Variants in COL1A1 observed in about 807,000 individuals in gnomAD.
The protein encoded by COL1A1 is collagen alpha-1(I) chain.
In COL1A1, 21 loss-of-function variants were observed where a neutral mutation model predicts 195.7. The ratio of observed to expected loss-of-function variants is 0.11; its 90% CI spans 0.08 to 0.15. The LOEUF (loss-of-function observed/expected upper bound fraction) is 0.15, where lower values mean the gene tolerates loss of function less well. COL1A1 is among the 10% of genes least tolerant of loss of function. COL1A1 has a pLI of 1.00. For synonymous variants in COL1A1, 749 were observed against 747.3 expected (o/e 1.00, Z -0.04); for missense variants, 1,365 against 2,051.0 (o/e 0.67, Z 6.46).
At position 50,189,308 on chromosome 17, in the gene COL1A1, G is replaced by T. The variant is rs2586489; in HGVS notation, c.2830-33C>A. 29 of 1,613,952 alleles carry T rather than the reference G, an allele frequency of 1.8e-5. No individual in the cohort carries two copies. The highest frequency in any genetic ancestry group is 2.2e-5 in the Non-Finnish European group (26 of 1,179,986). ...AGGCAAACAGGGGTGAGGTGCCAGA[G>T]AGCAGCACAGGGACCCCTCCCCAGC... On this transcript the variant is annotated intron_variant, in intron 39 of 50. Transcript: ENST00000225964. The surrounding 1 kb of genome is among the most constrained non-coding windows in gnomAD (Gnocchi z 5.5).
Position 50,192,463 on chromosome 17 carries a change from G to T in COL1A1, c.1983+12C>A, listed in dbSNP as rs1907181506. The stretch of plus-strand genomic sequence containing the variant: ...GCATCTCCCACCCCTCTGGCCGGCT[G>T]CTCCCTCTTACCTGTTCACCAGGTT... On this transcript the variant is annotated intron_variant, in intron 29 of 50. Transcript: ENST00000225964. 6.2e-7 allele frequency: 1 copy of T among 1,603,134 alleles called. No individual in the cohort carries two copies. Among genetic ancestry groups the T allele is most frequent in the Admixed American group, 1.7e-5 (1 of 57,934 alleles).
chr17:50,199,077 C>T, intron 5 of COL1A1, 149 bp downstream of exon 5: 1 of 909,954 alleles, frequency 1.1e-6, no homozygotes, highest in South Asian at 2.5e-5. Flanking sequence ...GCACATGTCA[C>T]AAACTGTGAA....
In COL1A1 at chr17:50,185,396, C is replaced by A; in HGVS notation, c.*106G>T. The A allele has an allele frequency of 8.1e-7, 1 of 1,238,454 alleles. No homozygotes were observed. The highest frequency in any genetic ancestry group is 1.2e-5 in the South Asian group (1 of 82,600). The allele number at this position is 1,238,454 out of a possible 1,614,324, so 76.7% of individuals were successfully genotyped here. A position where few individuals can be genotyped will look rare whatever the true frequency, so the allele number is the denominator to read the frequency against. On this transcript the variant is annotated 3_prime_UTR_variant, in exon 51 of 51. Coordinates refer to ENST00000225964, the MANE Select transcript of COL1A1 (RefSeq NM_000088.4). ...TTCCAAAGTCCATGTGAAATTGTCT[C>A]CCATTTTTTGGCTTTTGAGGGGGTT...
At position 50,184,659 on chromosome 17, in the gene COL1A1, C is replaced by T. The variant is rs895888962; in HGVS notation, c.*843G>A. On this transcript the variant is annotated 3_prime_UTR_variant, in exon 51 of 51. Coordinates refer to ENST00000225964, the MANE Select transcript of COL1A1 (RefSeq NM_000088.4). ...TGGGGAGCCGCTTCCACCCTGCCCC[C>T]ATCCCCGCCCCCAGGCAGTTGCCCC... 4.3e-6 allele frequency: 1 copy of T among 232,246 alleles called. No individual in the cohort carries two copies. The highest frequency in any genetic ancestry group is 6.1e-5 in the East Asian group (1 of 16,456). The allele number at this position is 232,246 out of a possible 1,614,324, so 14.4% of individuals were successfully genotyped here.
chr17:50,197,867 A>C, intron 8 of COL1A1, 82 bp from the exon 9 acceptor site: 1 of 1,586,570 alleles, frequency 6.3e-7, no homozygotes, highest in Non-Finnish European at 8.7e-7. Flanking sequence ...AGAGGTAAGG[A>C]AGACCCCAGG....
chr17:50,187,247 C>T, intron 46 of COL1A1, 125 bp from the exon 47 acceptor site: 1 of 911,402 alleles, frequency 1.1e-6, no homozygotes, highest in Non-Finnish European at 1.7e-6. Context: ...GCCTCAGCCT[C>T]TTTCCATAGG....
Position 50,199,563 on chromosome 17 carries a change from C to T in COL1A1, c.326G>A (p.Gly109Asp), listed in dbSNP as rs372159426. The T allele has an allele frequency of 9.9e-6, 16 of 1,614,056 alleles. No homozygotes were observed. Among genetic ancestry groups the T allele is most frequent in the Middle Eastern group, 1.6e-4 (1 of 6,082 alleles). ...TCGAGGGCAGGAGATTACCTCGACG[C>T]CGGTGGTTTCTTGGTCGGTGGGTGA... ...SESPTDQETT[G>D]VEGPKGDTGP... The change falls in exon 3 of 51, where the codon GGC becomes GAC. Residue 109 changes from glycine to aspartate, a missense_variant. Gly to Asp is a moderately conservative substitution (Grantham distance 94). Coordinates refer to ENST00000225964, the MANE Select transcript of COL1A1 (RefSeq NM_000088.4).
chr17:50,190,484 T>A lies in COL1A1; in HGVS notation c.2397+59A>T, dbSNP rs1598290929. The A allele has an allele frequency of 5.6e-6, 9 of 1,600,088 alleles. No individual in the cohort carries two copies. In the Admixed American group the frequency reaches 1.5e-4, roughly 27 times the overall value. ...GTGAAGGCACAGACAGGGCCAGGGG[T>A]GCTGTGTGAAGGGAGGGAAGGGCCA... On this transcript the variant is annotated intron_variant, in intron 34 of 50. Transcript: ENST00000225964. This position sits in a 1 kb window ranked among gnomAD's most constrained non-coding sequence, Gnocchi z 4.7.
In COL1A1 at chr17:50,194,293, C is replaced by T; in HGVS notation, c.1614+56G>A. Reference sequence around the variant, plus strand: ...CTGATCCAGAACGCCTCATCCCAGACCCTACACGGGATGGTCAGGGCCTGG... The same window carrying T: ...CTGATCCAGAACGCCTCATCCCAGATCCTACACGGGATGGTCAGGGCCTGG... On this transcript the variant is annotated intron_variant, in intron 23 of 50. Coordinates refer to ENST00000225964, the MANE Select transcript of COL1A1 (RefSeq NM_000088.4). This position sits in a 1 kb window ranked among gnomAD's most constrained non-coding sequence, Gnocchi z 6.8. 1 of 1,606,320 alleles carries T rather than the reference C, an allele frequency of 6.2e-7. No individual in the cohort carries two copies. Among genetic ancestry groups the T allele is most frequent in the Non-Finnish European group, 8.5e-7 (1 of 1,173,558 alleles).
Position 50,186,520 on chromosome 17 carries a change from A to G in COL1A1, c.3815-13T>C, listed in dbSNP as rs1291008151. On this transcript the variant is annotated splice_polypyrimidine_tract_variant and intron_variant, in intron 48 of 50. Coordinates refer to ENST00000225964, the MANE Select transcript of COL1A1 (RefSeq NM_000088.4). This position sits in a 1 kb window ranked among gnomAD's most constrained non-coding sequence, Gnocchi z 5.3. ...ATCCAGTACTCTCCTGTGGTAGGGC[A>G]GGGCAAGATGGAGTCAGGGAAAGGG... 5.6e-6 allele frequency: 9 copies of G among 1,614,026 alleles called. No individual in the cohort carries two copies. Among genetic ancestry groups the G allele is most frequent in the Non-Finnish European group, 7.6e-6 (9 of 1,180,020 alleles).
rs138749826 is a variant in COL1A1 at position 50,190,876 on chromosome 17, C to G, written c.2284G>C (p.Val762Leu). 13 of 1,613,774 alleles carry G rather than the reference C, an allele frequency of 8.1e-6. No homozygotes were observed. The African/African-American group carries it at 1.2e-4, about 15-fold the overall frequency. The change falls in exon 33 of 51, where the codon GTC becomes CTC. Residue 762 changes from valine to leucine, a missense_variant. This residue lies in a region of COL1A1 where 671 missense variants were observed against 1,099.9 expected (regional missense o/e 0.61). Coordinates refer to ENST00000225964, the MANE Select transcript of COL1A1 (RefSeq NM_000088.4). The surrounding 1 kb of genome is among the most constrained non-coding windows in gnomAD (Gnocchi z 4.7). Reference protein sequence around the residue: ...GADGSPGKDGVRGLTGPIGPP... With the variant: ...GADGSPGKDGLRGLTGPIGPP... ...CCAATGGGGCCAGTCAGACCACGGA[C>G]GCCATCTTTGCCAGGAGAGCCATCA...
chr17:50,199,642 C>A (rs372452640), intron 2 of COL1A1, 52 bp from the exon 3 acceptor site: 1 of 1,613,196 alleles, frequency 6.2e-7, no homozygotes, highest in South Asian at 1.1e-5. Context: ...ATGCTGCTCC[C>A]GTCGGCAGAG....
chr17:50,190,677 C>A lies in COL1A1; in HGVS notation c.2344-81G>T. The A allele has an allele frequency of 6.5e-7, 1 of 1,531,934 alleles. No homozygotes were observed. Among genetic ancestry groups the A allele is most frequent in the Non-Finnish European group, 9.0e-7 (1 of 1,112,048 alleles). 94.9% of individuals were successfully genotyped at this position (1,531,934 alleles called of 1,614,324 possible). A position where few individuals can be genotyped will look rare whatever the true frequency, so the allele number is the denominator to read the frequency against. The stretch of plus-strand genomic sequence containing the variant: ...AGATGACCCCAGGAGAGCCTCCCCT[C>A]CTTCTGGTCCCTCCAGGTTCCCAGG... On this transcript the variant is annotated intron_variant, in intron 33 of 50. Transcript: ENST00000225964. The surrounding 1 kb of genome is among the most constrained non-coding windows in gnomAD (Gnocchi z 4.7).
chr17:50,193,810 G>T, intron 25 of COL1A1, 133 bp downstream of exon 25: 1 of 810,196 alleles, frequency 1.2e-6, no homozygotes, highest in Non-Finnish European at 2.1e-6. Flanking sequence ...AGATAGGGAG[G>T]CTGAGGTCCA....
At position 50,185,828 on chromosome 17, in the gene COL1A1, C is replaced by T. The variant is rs754194952; in HGVS notation, c.4198G>A (p.Ala1400Thr). Residue 1400 changes from alanine to threonine, a missense_variant, in exon 50 of 51, where the codon GCC (alanine) becomes ACC (threonine). Physicochemically the swap from Ala to Thr is moderately conservative, Grantham distance 58 (BLOSUM62 0). This residue lies in a region of COL1A1 where 273 missense variants were observed against 338.6 expected (regional missense o/e 0.81). Coordinates refer to ENST00000225964, the MANE Select transcript of COL1A1 (RefSeq NM_000088.4). ...LQGSNEIEIR[A>T]EGNSRFTYSV... ...TAGGTGAAGCGGCTGTTGCCCTCGG[C>T]GCGGATCTCGATCTCGTTGGAGCCC... 1.9e-6 allele frequency: 3 copies of T among 1,613,986 alleles called. No individual in the cohort carries two copies. The highest frequency in any genetic ancestry group is 1.7e-6 in the Non-Finnish European group (2 of 1,180,030).
chr17:50,191,000 T>C lies in COL1A1; in HGVS notation c.2236-76A>G, dbSNP rs1170212432. 11 of 1,410,224 alleles carry C rather than the reference T, an allele frequency of 7.8e-6. No homozygotes were observed. In the East Asian group the frequency reaches 1.9e-4, roughly 24 times the overall value. The allele number at this position is 1,410,224 out of a possible 1,614,324, so 87.4% of individuals were successfully genotyped here. The stretch of plus-strand genomic sequence containing the variant: ...CTATAGTGTTCTGCTTGTGTCTGGG[T>C]TTCCTGAGAGGCCCTCTGCAGCTCT... On this transcript the variant is annotated intron_variant, in intron 32 of 50. Coordinates refer to ENST00000225964, the MANE Select transcript of COL1A1 (RefSeq NM_000088.4). The surrounding 1 kb of genome is among the most constrained non-coding windows in gnomAD (Gnocchi z 4.7).
At position 50,199,463 on chromosome 17, in the gene COL1A1, TG is replaced by T. The variant is rs770674562; in HGVS notation, c.334-11del. The T allele has an allele frequency of 2.5e-6, 4 of 1,614,034 alleles. No homozygotes were observed. The Admixed American group carries it at 6.7e-5, about 27-fold the overall frequency. ...TGTCTCCCTTGGGTCCCTGTGGGAT[TG>T]GGGGAGAAGAAACAAGAGGCCAGGT... On this transcript the variant is annotated splice_polypyrimidine_tract_variant and intron_variant, in intron 3 of 50. Coordinates refer to ENST00000225964, the MANE Select transcript of COL1A1 (RefSeq NM_000088.4).
Position 50,194,050 on chromosome 17 carries a change from G to A in COL1A1, c.1669-9C>T. On this transcript the variant is annotated splice_polypyrimidine_tract_variant and intron_variant, in intron 24 of 50. Coordinates refer to ENST00000225964, the MANE Select transcript of COL1A1 (RefSeq NM_000088.4). This position sits in a 1 kb window ranked among gnomAD's most constrained non-coding sequence, Gnocchi z 6.8. ...TCTTGACCGGCGGGACCCTAAGGAT[G>A]GGAGGCACGAAAGCAGCAGTGAGGA... 6.2e-7 allele frequency: 1 copy of A among 1,613,468 alleles called. No individual in the cohort carries two copies. Among genetic ancestry groups the A allele is most frequent in the Middle Eastern group, 1.7e-4 (1 of 6,060 alleles).
intron 8 of COL1A1, 52 bp downstream of exon 8, chr17:50,197,897 G>T: frequency 1.9e-6 from 3 of 1,598,852 alleles, no homozygotes. Context: ...TCTTCTATAG[G>T]AGAGTCTGTG....
Sources: allele counts gnomAD v4.1 joint callset, GRCh38; gene constraint gnomAD v4.1.1; regional missense constraint gnomAD v4.1.1; non-coding constraint Gnocchi (gnomAD v3.1); transcripts MANE v1.5; gene names NCBI Gene and HGNC (gene_info 2026-07-23, HGNC 2026-07-21).